CTNNA2: variants seen among roughly 807,000 people sequenced by gnomAD.
The protein encoded by CTNNA2 is catenin alpha 2, also known as catenin alpha-2.
A neutral mutation model predicts 101.0 loss-of-function variants in CTNNA2; 42 were observed. The ratio of observed to expected loss-of-function variants is 0.42; its 90% confidence interval spans 0.32 to 0.54. The LOEUF (loss-of-function observed/expected upper bound fraction) is 0.54. Ranked by LOEUF, CTNNA2 falls within the 20% of genes least tolerant of loss-of-function variation. CTNNA2 has a pLI of 0.14. For missense variants in CTNNA2, 871 were observed against 1,223.1 expected (o/e 0.71, Z 4.29); for synonymous variants, 450 against 456.4 (o/e 0.99, Z 0.18).
At chr2:79,555,082 G>T (rs1674359994) in intron 1 of CTNNA2, among the ~76,000 whole-genome samples, 1 of 152,172 alleles carries the variant, frequency 6.6e-6, no homozygotes. Flanking sequence ...TCACAGTCAA[G>T]AGTCTAGCAC....
rs926742924 is a variant in CTNNA2, at chr2:80,581,735, C to T, written c.1923C>T (p.Asp641=). The change falls in exon 14 of 19, where the codon GAC becomes GAT. Residue 641 remains aspartate (D), a synonymous_variant. Transcript: ENST00000402739. ...CAGAAGAACTAGAGGATGATTCTGA[C>T]TTTGAGCAGGAAGATTATGATGTGC... ...RTPEELEDDS[D]FEQEDYDVRS... is the part of the protein sequence containing the mutation. The T allele has an allele frequency of 1.2e-6, 2 of 1,612,694 alleles. No individual in the cohort carries two copies. The highest frequency in any genetic ancestry group is 1.7e-6 in the Non-Finnish European group (2 of 1,178,938).
In CTNNA2 at chr2:80,647,992, A is replaced by G; in HGVS notation, c.*120A>G. The G allele has an allele frequency of 3.3e-6, 3 of 921,402 alleles. No individual in the cohort carries two copies. Among genetic ancestry groups the G allele is most frequent in the Non-Finnish European group, 4.8e-6 (3 of 624,148 alleles). 57.1% of individuals were successfully genotyped at this position (921,402 alleles called of 1,614,324 possible). On this transcript the variant is annotated 3_prime_UTR_variant, in exon 19 of 19. Coordinates refer to ENST00000402739, the MANE Select transcript of CTNNA2 (RefSeq NM_001282597.3). ...GCCTCTGGCATGGGGAAATTAAGGG[A>G]ACAGTGTCTGTTTGCATGTAAGATG...
At chr2:80,043,589 C>A (rs1289465926) in intron 7 of CTNNA2, among the ~76,000 whole-genome samples, 1 of 152,162 alleles carries the variant, frequency 6.6e-6, no homozygotes, top group Non-Finnish European at 1.5e-5. Flanking sequence ...AGAGCTCTCA[C>A]AGGCAATGGA....
intron 7 of CTNNA2, among the ~76,000 whole-genome samples, chr2:80,251,791 ATACT>A (rs1343404677): frequency 1.3e-5 from 2 of 152,148 alleles, no homozygotes; most frequent in Non-Finnish European, 2.9e-5. Context: ...CTACCTACAA[ATACT>A]TAATTAAGAG....
intron 18 of CTNNA2, among the ~76,000 whole-genome samples, chr2:80,638,843 G>A (rs1006311604): frequency 2.0e-5 from 3 of 152,206 alleles, no homozygotes; most frequent in Non-Finnish European, 2.9e-5. Flanking sequence ...GTCCAGTTGA[G>A]AAAGTTACCA....
intron 2 of CTNNA2, among the ~76,000 whole-genome samples, chr2:79,700,751 T>C (rs1014006689): frequency 1.3e-5 from 2 of 152,168 alleles, no homozygotes. Context: ...GGATGTGATA[T>C]AGGGAAGGCA....
chr2:79,869,180 A>AG (rs1160048151), intron 4 of CTNNA2, among the ~76,000 whole-genome samples: 1 of 152,216 alleles, frequency 6.6e-6, no homozygotes, highest in Non-Finnish European at 1.5e-5. Context: ...GCACATTGGT[A>AG]GGGCGGTGTG....
At chr2:80,554,782 C>T (rs1346970448) in intron 11 of CTNNA2, among the ~76,000 whole-genome samples, 2 of 152,112 alleles carry the variant, frequency 1.3e-5, no homozygotes, top group Non-Finnish European at 2.9e-5. Context: ...TGTGTGTGTT[C>T]AGCTTATTTA....
chr2:80,550,804 G>A (rs1409375657), intron 11 of CTNNA2, among the ~76,000 whole-genome samples: 1 of 134,386 alleles, frequency 7.4e-6, no homozygotes. Context: ...CTTCAAAGTC[G>A]ACTATGAGGG....
intron 7 of CTNNA2, among the ~76,000 whole-genome samples, chr2:80,037,256 C>A (rs1167192140): frequency 2.0e-5 from 3 of 152,068 alleles, no homozygotes; most frequent in Non-Finnish European, 4.4e-5. Flanking sequence ...ATTTTCTCAT[C>A]CCAGGGAAAT....
At chr2:79,864,047 A>T in intron 4 of CTNNA2, among the ~76,000 whole-genome samples, 1 of 152,312 alleles carries the variant, frequency 6.6e-6, no homozygotes, top group Middle Eastern at 3.4e-3. Context: ...GGCAGCGTCT[A>T]TGCAACACCC....
At chr2:80,559,878 T>TA (rs1693393440) in intron 12 of CTNNA2, among the ~76,000 whole-genome samples, 3 of 113,936 alleles carry the variant, frequency 2.6e-5, no homozygotes, top group African/African-American at 9.1e-5. Flanking sequence ...GATATCATAT[T>TA]TATATATATA....
chr2:80,045,343 A>C (rs1696444851), intron 7 of CTNNA2, among the ~76,000 whole-genome samples: 1 of 152,190 alleles, frequency 6.6e-6, no homozygotes, highest in Non-Finnish European at 1.5e-5. Context: ...TCTCAAAATC[A>C]GTTATTTCTA....
chr2:80,052,244 T>C (rs558599307), intron 7 of CTNNA2, among the ~76,000 whole-genome samples: 1 of 152,316 alleles, frequency 6.6e-6, no homozygotes, highest in African/African-American at 2.4e-5. Flanking sequence ...AGTAATAAAC[T>C]AGATAATAGA....
At chr2:79,365,415 G>A (rs916366886) in intron 3 of CTNNA2, among the ~76,000 whole-genome samples, 3 of 152,234 alleles carry the variant, frequency 2.0e-5, no homozygotes, top group African/African-American at 7.2e-5. Context: ...TTGAGCCCAG[G>A]AGTTTGAAAC....
intron 14 of CTNNA2, among the ~76,000 whole-genome samples, chr2:80,582,344 C>A (rs2149720140): frequency 6.6e-6 from 1 of 152,232 alleles, no homozygotes; most frequent in East Asian, 1.9e-4. Flanking sequence ...AGAACTTTTT[C>A]TTTCCTCATG....
chr2:79,962,944 GC>G (rs1208773560), intron 7 of CTNNA2, among the ~76,000 whole-genome samples: 4 of 151,150 alleles, frequency 2.6e-5, no homozygotes, highest in African/African-American at 9.7e-5. Context: ...AGTGGCGGGC[GC>G]CTGTAGTCCC....
At chr2:79,957,717 C>G (rs1275783493) in intron 7 of CTNNA2, among the ~76,000 whole-genome samples, 1 of 152,218 alleles carries the variant, frequency 6.6e-6, no homozygotes, top group Non-Finnish European at 1.5e-5. Context: ...TGTCAGGACC[C>G]TGTCTCATCC....
intron 4 of CTNNA2, among the ~76,000 whole-genome samples, chr2:79,389,400 C>A (rs980576619): frequency 1.3e-5 from 2 of 152,174 alleles, no homozygotes; most frequent in Non-Finnish European, 2.9e-5. Context: ...AAATTAACTA[C>A]TGCACTTCAC....
Sources: allele counts gnomAD v4.1 joint callset (sites outside exome capture counted in the v4.1 genomes callset), GRCh38; gene constraint gnomAD v4.1.1; transcripts MANE v1.5; gene names NCBI Gene and HGNC (gene_info 2026-07-23, HGNC 2026-07-21).